The following PPM1E variants were observed in gnomAD, a reference collection of about 807,000 sequenced individuals.
PPM1E encodes the protein protein phosphatase, Mg2+/Mn2+ dependent 1E.
PPM1E carries 20 observed loss-of-function variants against 65.9 expected under a neutral mutation model. The observed-to-expected ratio is 0.30, with a 90% CI of 0.21 to 0.44. PPM1E has a LOEUF of 0.44. PPM1E is among the 20% of genes least tolerant of loss of function. PPM1E has a pLI of 1.00. For missense variants in PPM1E, 713 were observed against 953.1 expected (o/e 0.75, Z 3.32); for synonymous variants, 352 against 374.9 (o/e 0.94, Z 0.70).
At chr17:58,794,187 C>T (rs756470152) in intron 1 of PPM1E, among the ~76,000 whole-genome samples, 3 of 152,024 alleles carry the variant, frequency 2.0e-5, no homozygotes, top group South Asian at 2.1e-4. Flanking sequence ...TCAGGTGATC[C>T]GCCCACCTCA....
At chr17:58,773,873 G>A (rs981470976) in intron 1 of PPM1E, among the ~76,000 whole-genome samples, 1 of 152,002 alleles carries the variant, frequency 6.6e-6, no homozygotes, top group Admixed American at 6.6e-5. Flanking sequence ...AAAAATTGTA[G>A]GTAATTGGCT....
intron 1 of PPM1E, among the ~76,000 whole-genome samples, chr17:58,775,870 C>T (rs889276874): frequency 1.3e-4 from 17 of 129,142 alleles, no homozygotes; most frequent in Admixed American, 1.1e-3. Flanking sequence ...GCCGAGATTG[C>T]GCCACTGCAG....
intron 1 of PPM1E, among the ~76,000 whole-genome samples, chr17:58,822,150 A>T (rs530394070): frequency 2.6e-5 from 4 of 152,282 alleles, no homozygotes; most frequent in African/African-American, 9.6e-5. Context: ...AGAAGAATGT[A>T]GTAAAGGAGT....
chr17:58,850,317 T>C (rs2050813815), intron 1 of PPM1E, among the ~76,000 whole-genome samples: 2 of 152,186 alleles, frequency 1.3e-5, no homozygotes, highest in South Asian at 4.1e-4. Flanking sequence ...GATCCTGTCA[T>C]TATGATATTA....
chr17:58,968,911 A>G (rs533335079), intron 3 of PPM1E, among the ~76,000 whole-genome samples: 2 of 152,226 alleles, frequency 1.3e-5, no homozygotes, highest in Non-Finnish European at 2.9e-5. Flanking sequence ...GCATTTGAGC[A>G]TCTGATGTGG....
rs146882728 is a variant in PPM1E, at chr17:58,965,789, C to G, written c.679C>G (p.Gln227Glu). Residue 227 changes from glutamine to glutamate, a missense_variant, in exon 3 of 7, where the codon CAG becomes GAG. Coordinates refer to ENST00000308249, the MANE Select transcript of PPM1E (RefSeq NM_014906.5). Reference sequence around the variant, plus strand: ...AGACTTCCCCCTCCGCAGGAGACCCCAGCTTTATTATGAGACATCAATCCA... The same window carrying G: ...AGACTTCCCCCTCCGCAGGAGACCCGAGCTTTATTATGAGACATCAATCCA... ...VKDFPLRRRPQLYYETSIHAI... is the reference protein window; with the variant it reads ...VKDFPLRRRPELYYETSIHAI... 3.9e-4 allele frequency: 628 copies of G among 1,614,018 alleles called. No homozygotes were observed. Among genetic ancestry groups the G allele is most frequent in the Non-Finnish European group, 5.0e-4 (586 of 1,180,028 alleles).
rs745575301 is a variant in PPM1E, at chr17:58,826,495, G to A, written c.464+70034G>A. On this transcript the variant is annotated intron_variant, in intron 1 of 6. Coordinates refer to ENST00000308249, the MANE Select transcript of PPM1E (RefSeq NM_014906.5). The stretch of plus-strand genomic sequence containing the variant: ...TCAAAGATAAACTATATTGAAGCAA[G>A]AGGTACATTAACTGTACATTTAATC... 1.4e-3 allele frequency among the ~76,000 whole-genome samples: 207 copies of A among 152,054 alleles called. 5 individuals are homozygous for A. The highest frequency in any genetic ancestry group is 1.5e-3 in the Non-Finnish European group (104 of 68,014).
At chr17:58,776,410 A>T (rs970376463) in intron 1 of PPM1E, among the ~76,000 whole-genome samples, 3 of 152,308 alleles carry the variant, frequency 2.0e-5, no homozygotes, top group African/African-American at 7.2e-5. Context: ...CACATAATGG[A>T]TTCTTACGAC....
At chr17:58,881,948 C>A (rs2051199695) in intron 1 of PPM1E, among the ~76,000 whole-genome samples, 1 of 149,290 alleles carries the variant, frequency 6.7e-6, no homozygotes. Flanking sequence ...GACTTGAGCC[C>A]CAGGAGTTTG....
chr17:58,878,222 A>T (rs2051149294), intron 1 of PPM1E, among the ~76,000 whole-genome samples: 1 of 152,152 alleles, frequency 6.6e-6, no homozygotes, highest in Non-Finnish European at 1.5e-5. Context: ...AATGGCAAAT[A>T]TAGAGTAGAT....
At chr17:58,807,723 G>C (rs2050329294) in intron 1 of PPM1E, among the ~76,000 whole-genome samples, 1 of 152,094 alleles carries the variant, frequency 6.6e-6, no homozygotes, top group South Asian at 2.1e-4. Flanking sequence ...CTATAGATAA[G>C]CAGACAAATA....
intron 1 of PPM1E, among the ~76,000 whole-genome samples, chr17:58,832,015 T>C (rs1445902561): frequency 2.0e-5 from 3 of 152,210 alleles, no homozygotes; most frequent in African/African-American, 7.2e-5. Context: ...TGTTTTTTAG[T>C]GGCTGCTTAT....
intron 1 of PPM1E, among the ~76,000 whole-genome samples, chr17:58,886,316 T>G (rs1010796642): frequency 6.6e-6 from 1 of 152,230 alleles, no homozygotes; most frequent in African/African-American, 2.4e-5. Flanking sequence ...TATTTAATTA[T>G]ATAATGAGCT....
At chr17:58,827,205 T>G (rs1214591295) in intron 1 of PPM1E, among the ~76,000 whole-genome samples, 1 of 150,946 alleles carries the variant, frequency 6.6e-6, no homozygotes, top group Non-Finnish European at 1.5e-5. Flanking sequence ...TGCCACGATC[T>G]TGGTTTACTG....
chr17:58,959,981 C>T (rs747589611), intron 2 of PPM1E, among the ~76,000 whole-genome samples: 4 of 152,080 alleles, frequency 2.6e-5, no homozygotes, highest in Non-Finnish European at 4.4e-5. Flanking sequence ...ATATCTTGGA[C>T]GTCACATTTA....
intron 1 of PPM1E, among the ~76,000 whole-genome samples, chr17:58,849,119 AT>A (rs2050800068): frequency 6.6e-6 from 1 of 152,128 alleles, no homozygotes; most frequent in African/African-American, 2.4e-5. Flanking sequence ...TGGTGGTGAT[AT>A]CCCCTTTATT....
chr17:58,963,108 G>T (rs1363438653), intron 2 of PPM1E, among the ~76,000 whole-genome samples: 1 of 151,808 alleles, frequency 6.6e-6, no homozygotes, highest in Non-Finnish European at 1.5e-5. Flanking sequence ...AAAAAAGCTG[G>T]GCATGGTGGC....
At chr17:58,953,800 T>G (rs925334928) in intron 1 of PPM1E, among the ~76,000 whole-genome samples, 1 of 147,572 alleles carries the variant, frequency 6.8e-6, no homozygotes, top group Non-Finnish European at 1.5e-5. Context: ...CAGGCTAGAG[T>G]GCAATGGCAC....
At chr17:58,818,261 T>C (rs1236089967) in intron 1 of PPM1E, among the ~76,000 whole-genome samples, 1 of 152,174 alleles carries the variant, frequency 6.6e-6, no homozygotes, top group Non-Finnish European at 1.5e-5. Context: ...TGTCTTTATT[T>C]AACAAGTACA....
Sources: gnomAD v4.1 joint callset for allele counts (sites outside exome capture counted in the v4.1 genomes callset) on GRCh38, gnomAD v4.1.1 for gene constraint, MANE v1.5 for transcripts, NCBI Gene and HGNC (gene_info 2026-07-23, HGNC 2026-07-21) for gene names.